Variants in VRK2 observed in about 807,000 individuals in gnomAD.
VRK2 encodes serine/threonine-protein kinase VRK2.
In VRK2, 60 loss-of-function variants were observed where a neutral mutation model predicts 57.6. The observed-to-expected ratio is 1.04, with a 90% confidence interval of 0.85 to 1.29. The LOEUF (loss-of-function observed/expected upper bound fraction) is 1.29, where lower values mean the gene tolerates loss of function less well. Among genes scored for constraint, VRK2 ranks in the 50% most tolerant of loss-of-function variants. The pLI, the probability that VRK2 is intolerant of heterozygous loss-of-function variation, is 0.00. For missense variants in VRK2, 705 were observed against 588.1 expected, an observed-to-expected ratio of 1.20 and a Z score of -2.06; for synonymous variants, 231 against 199.2, an observed-to-expected ratio of 1.16 and a Z score of -1.35.
chr2:58,009,405 T>C (rs920737975), intron 1 of VRK2, among the ~76,000 whole-genome samples: 1 of 151,724 alleles, frequency 6.6e-6, no homozygotes, highest in African/African-American at 2.4e-5. Flanking sequence ...TTGTACTGAA[T>C]ATCAGCCATG....
intron 1 of VRK2, among the ~76,000 whole-genome samples, chr2:57,961,226 G>A (rs1297676648): frequency 1.3e-5 from 2 of 152,180 alleles, no homozygotes; most frequent in Non-Finnish European, 2.9e-5. Flanking sequence ...CTAAAAAGGT[G>A]ACATATGAAG....
chr2:58,021,751 C>A (rs1460611717), intron 1 of VRK2, among the ~76,000 whole-genome samples: 1 of 152,160 alleles, frequency 6.6e-6, no homozygotes, highest in Non-Finnish European at 1.5e-5. Flanking sequence ...TAGCATCCCC[C>A]ATACCTTTCC....
At chr2:58,113,260 G>T (rs1047862786) in intron 7 of VRK2, among the ~76,000 whole-genome samples, 1 of 149,420 alleles carries the variant, frequency 6.7e-6, no homozygotes, top group African/African-American at 2.5e-5. Flanking sequence ...AGTGAGCTGA[G>T]ACTGTGCCAC....
chr2:58,009,509 A>G lies in VRK2; in HGVS notation c.-438-16156A>G, dbSNP rs374683566. Among the ~76,000 whole-genome samples the G allele has an allele frequency of 1.6e-4, 24 of 149,966 alleles. No individual in the cohort carries two copies. The South Asian group carries it at 4.9e-3, about 31-fold the overall frequency. On this transcript the variant is annotated intron_variant, in intron 1 of 15. Transcript: ENST00000417641. ...TGTCTTTATTTTTAATTTTAAAATA[A>G]TACAATTGACAGATCTAGTATGTCT...
At chr2:58,153,292 C>T (rs554255108) in intron 12 of VRK2, among the ~76,000 whole-genome samples, 3 of 152,090 alleles carry the variant, frequency 2.0e-5, no homozygotes, top group South Asian at 4.1e-4. Flanking sequence ...CATTGAAGAA[C>T]ATTTGGTTTC....
chr2:57,939,196 C>T (rs2103951600), intron 1 of VRK2, among the ~76,000 whole-genome samples: 1 of 152,330 alleles, frequency 6.6e-6, no homozygotes, highest in South Asian at 2.1e-4. Flanking sequence ...AACAACTTTA[C>T]ACCACTTTAT....
intron 7 of VRK2, among the ~76,000 whole-genome samples, chr2:58,097,167 G>T (rs1673261501): frequency 1.3e-5 from 2 of 151,970 alleles, no homozygotes; most frequent in Non-Finnish European, 2.9e-5. Context: ...AAATCCAAAA[G>T]ATCTACCTTA....
At chr2:57,921,626 G>T (rs1299621715) in intron 1 of VRK2, among the ~76,000 whole-genome samples, 2 of 152,052 alleles carry the variant, frequency 1.3e-5, no homozygotes, top group African/African-American at 4.8e-5. Context: ...ATTTTGAAAG[G>T]TGCCTCTACA....
At chr2:57,992,686 G>A (rs1672804708) in intron 1 of VRK2, among the ~76,000 whole-genome samples, 1 of 151,990 alleles carries the variant, frequency 6.6e-6, no homozygotes, top group South Asian at 2.1e-4. Flanking sequence ...ACAGGCGCCC[G>A]CCACCGCGCC....
At chr2:57,959,642 G>A (rs559482640) in intron 1 of VRK2, among the ~76,000 whole-genome samples, 4 of 152,266 alleles carry the variant, frequency 2.6e-5, no homozygotes, top group Admixed American at 6.5e-5. Context: ...TTCAGAAAGC[G>A]CTGCAAGTGC....
At chr2:58,136,453 C>T (rs976863333) in intron 10 of VRK2, among the ~76,000 whole-genome samples, 4 of 150,872 alleles carry the variant, frequency 2.7e-5, no homozygotes, top group Admixed American at 6.6e-5. Context: ...GGCACGATCT[C>T]GGCTCAGTGC....
intron 6 of VRK2, among the ~76,000 whole-genome samples, chr2:58,089,063 T>C (rs966998155): frequency 2.6e-5 from 4 of 152,206 alleles, no homozygotes; most frequent in Non-Finnish European, 4.4e-5. Context: ...TGCATTAATT[T>C]TCTCATTTAT....
chr2:57,967,769 T>C (rs73942258), intron 1 of VRK2, among the ~76,000 whole-genome samples: 3,673 of 150,880 alleles, frequency 0.024, 146 homozygotes, highest in African/African-American at 0.087. Flanking sequence ...TAATCAGCTT[T>C]TCATTAAACA....
At position 58,040,155 on chromosome 2, in the gene VRK2, A is replaced by C. The variant is rs1674400914; in HGVS notation, c.-6+6602A>C. ...TTCCCCAGATAAGCATGTATTTTAT[A>C]ATAAATAGATTTAAATATTGGTATA... On this transcript the variant is annotated intron_variant, in intron 3 of 15. Coordinates refer to the VRK2 transcript ENST00000417641. Among the ~76,000 whole-genome samples, 3 of 152,184 alleles carry C rather than the reference A, an allele frequency of 2.0e-5. No individual in the cohort carries two copies. The South Asian group carries it at 6.2e-4, about 32-fold the overall frequency.
chr2:58,084,848 T>G, intron 3 of VRK2, 33 bp from the exon 4 acceptor site: 1 of 1,356,462 alleles, frequency 7.4e-7, no homozygotes, highest in Non-Finnish European at 1.0e-6. Flanking sequence ...GATTATTTTT[T>G]TCTAGTAAAA....
chr2:58,074,473 G>T (rs185479554), intron 2 of VRK2, among the ~76,000 whole-genome samples: 5 of 151,774 alleles, frequency 3.3e-5, no homozygotes, highest in South Asian at 2.1e-4. Flanking sequence ...ATTTTTAGTG[G>T]TTGATTTAGA....
At chr2:57,935,403 T>C (rs1324997289) in intron 1 of VRK2, among the ~76,000 whole-genome samples, 2 of 152,176 alleles carry the variant, frequency 1.3e-5, no homozygotes, top group African/African-American at 4.8e-5. Context: ...TTCCCATTTG[T>C]TTTCTCTAGG....
intron 2 of VRK2, among the ~76,000 whole-genome samples, chr2:58,060,838 T>A (rs1376851680): frequency 6.6e-6 from 1 of 151,868 alleles, no homozygotes. Flanking sequence ...CTTCATACAC[T>A]TTGAAAATAG....
At chr2:58,131,152 G>C (rs981725967) in intron 8 of VRK2, among the ~76,000 whole-genome samples, 2 of 151,524 alleles carry the variant, frequency 1.3e-5, no homozygotes, top group Non-Finnish European at 2.9e-5. Context: ...TATAGATATG[G>C]GACCAGAATT....
Sources: gnomAD v4.1 joint callset for allele counts (sites outside exome capture counted in the v4.1 genomes callset) on GRCh38, gnomAD v4.1.1 for gene constraint, MANE v1.5 for transcripts, NCBI Gene and HGNC (gene_info 2026-07-23, HGNC 2026-07-21) for gene names.